Variants in TTC7A observed in about 807,000 individuals in gnomAD.
TTC7A encodes tetratricopeptide repeat domain 7A, also known as tetratricopeptide repeat protein 7A.
TTC7A carries 110 observed loss-of-function variants against 103.7 expected under a neutral mutation model. That is an observed-to-expected ratio of 1.06 (90% CI 0.91 to 1.24). The LOEUF (loss-of-function observed/expected upper bound fraction) is 1.24. Ranked by LOEUF, TTC7A falls within the 50% of genes most tolerant of loss-of-function variation. TTC7A has a pLI of 0.00. For missense variants in TTC7A, 1,340 were observed against 1,116.3 expected (o/e 1.20, Z -2.86); for synonymous variants, 521 against 467.9 (o/e 1.11, Z -1.47).
At chr2:47,033,453 GC>G (rs1269064428) in intron 15 of TTC7A, among the ~76,000 whole-genome samples, 4 of 152,220 alleles carry the variant, frequency 2.6e-5, no homozygotes, top group Non-Finnish European at 5.9e-5. Context: ...CTGGTGCTGG[GC>G]GTGGGCTTTG....
intron 2 of TTC7A, among the ~76,000 whole-genome samples, chr2:46,918,759 T>C (rs1668948153): frequency 1.3e-5 from 2 of 152,222 alleles, no homozygotes; most frequent in South Asian, 2.1e-4. Flanking sequence ...ACGAGCAATA[T>C]GGAACATTAG....
At chr2:47,022,091 A>T (rs1168673118) in intron 12 of TTC7A, 112 bp downstream of exon 12, 4 of 703,128 alleles carry the variant, frequency 5.7e-6, no homozygotes, top group Non-Finnish European at 9.7e-6. Context: ...GCCTCCATAG[A>T]CACCATGCAC....
intron 2 of TTC7A, among the ~76,000 whole-genome samples, chr2:46,952,094 C>T (rs1671468829): frequency 6.6e-6 from 1 of 152,032 alleles, no homozygotes; most frequent in African/African-American, 2.4e-5. Flanking sequence ...CCAGGATGTG[C>T]AGGGCTTATT....
chr2:46,969,818 T>G (rs183985860), intron 3 of TTC7A, among the ~76,000 whole-genome samples: 29 of 152,298 alleles, frequency 1.9e-4, no homozygotes, highest in Non-Finnish European at 3.7e-4. Flanking sequence ...TCCTAAACCC[T>G]AGGCCCTGGC....
chr2:46,952,891 T>C (rs1671535655), intron 2 of TTC7A, among the ~76,000 whole-genome samples: 2 of 152,244 alleles, frequency 1.3e-5, no homozygotes, highest in Admixed American at 6.5e-5. Context: ...CACACAGATA[T>C]TTCTTTTCAT....
chr2:47,053,026 G>C (rs1683000370), intron 18 of TTC7A, among the ~76,000 whole-genome samples: 1 of 152,182 alleles, frequency 6.6e-6, no homozygotes, highest in South Asian at 2.1e-4. Flanking sequence ...CGGCACATTA[G>C]TATGCAGTAC....
intron 1 of TTC7A, among the ~76,000 whole-genome samples, chr2:46,942,072 C>G (rs533722461): frequency 6.6e-6 from 1 of 152,314 alleles, no homozygotes; most frequent in East Asian, 1.9e-4. Context: ...TCCCTAAACT[C>G]CATCAGGTGA....
rs1346304491 is a variant in TTC7A, at chr2:46,941,680, A to T, written c.139A>T (p.Asn47Tyr). The change falls in exon 1 of 20, where the codon AAC becomes TAC. Residue 47 changes from asparagine to tyrosine, a missense_variant. Physicochemically the swap from Asn to Tyr is moderately radical, Grantham distance 143. Transcript: ENST00000319190. This position sits in a 1 kb window ranked among gnomAD's most constrained non-coding sequence, Gnocchi z 4.2. ...GCTGAGCATGCCCGGCGGCGGAGGT[A>T]ACAGGCGAGGCAGCCCGAGCGCAGC... ...QTLSMPGGGG[N>Y]RRGSPSAAFT... is the part of the protein sequence containing the mutation. 1.1e-5 allele frequency: 17 copies of T among 1,551,686 alleles called. No individual in the cohort carries two copies. The highest frequency in any genetic ancestry group is 1.7e-4 in the Middle Eastern group (1 of 5,908).
At chr2:46,978,270 C>G (rs1202203838) in intron 4 of TTC7A, 5 of 153,844 alleles carry the variant, frequency 3.3e-5, no homozygotes, top group Non-Finnish European at 7.2e-5. Flanking sequence ...AGAGGGGAAC[C>G]TGACTGCCTG....
chr2:46,943,905 C>T (rs763991860), intron 1 of TTC7A, among the ~76,000 whole-genome samples: 8 of 152,110 alleles, frequency 5.3e-5, no homozygotes, highest in Non-Finnish European at 1.0e-4. Context: ...TACCTCCTAC[C>T]CAGAGGTAGA....
chr2:47,021,866 A>G lies in TTC7A; in HGVS notation c.1397A>G (p.Glu466Gly), dbSNP rs1249228239. Reference sequence around the variant, plus strand: ...CTCTGTCTCTCCTCTTTGCAGCTAGAGGAAGCAGAGCACTTTGCCATGATG... The same window carrying G: ...CTCTGTCTCTCCTCTTTGCAGCTAGGGGAAGCAGAGCACTTTGCCATGATG... The part of the protein sequence containing the change: ...KVCIGSLRWL[E>G]EAEHFAMMVI... The change falls in exon 12 of 20, where the codon GAG becomes GGG. Residue 466 changes from glutamate to glycine, a missense_variant. By Grantham distance (98) the Glu-to-Gly change is moderately conservative (BLOSUM62 -2). Coordinates refer to ENST00000319190, the MANE Select transcript of TTC7A (RefSeq NM_020458.4). 1.2e-6 allele frequency: 2 copies of G among 1,614,020 alleles called. No homozygotes were observed. The highest frequency in any genetic ancestry group is 3.3e-5 in the Admixed American group (2 of 60,022).
rs144671396 is a variant in TTC7A, at chr2:46,978,861, C to G, written c.718C>G (p.Leu240Val). The change falls in exon 5 of 20, where the codon CTG (leucine) becomes GTG (valine). Residue 240 changes from leucine (L) to valine (V), a missense_variant. Transcript: ENST00000319190. ...HPLDYELTYFLEAALQSAYVK... is the reference protein window; with the variant it reads ...HPLDYELTYFVEAALQSAYVK... Reference sequence around the variant, plus strand: ...GCTTGACTATGAGCTCACCTACTTCCTGGAAGCTGCCCTCCAGAGCGCCTA... The same window carrying G: ...GCTTGACTATGAGCTCACCTACTTCGTGGAAGCTGCCCTCCAGAGCGCCTA... 13 of 1,614,124 alleles carry G rather than the reference C, an allele frequency of 8.1e-6. No homozygotes were observed. In the African/African-American group the frequency reaches 1.6e-4, roughly 20 times the overall value.
In TTC7A at chr2:46,994,386, G is replaced by T. The variant is rs113997845; in HGVS notation, c.873G>T (p.Leu291=). Residue 291 remains leucine (L), a synonymous_variant, in exon 7 of 20, where the codon CTG becomes CTT. Coordinates refer to ENST00000319190, the MANE Select transcript of TTC7A (RefSeq NM_020458.4). The stretch of plus-strand genomic sequence containing the variant: ...CGGCCAAGCACCTGGCGGGGGTCCT[G>T]CTGCACTCCCTGAGTGAGGAGTGCT... ...VMAAKHLAGV[L]LHSLSEECYW... is the part of the protein sequence containing the mutation. The T allele has an allele frequency of 1.9e-6, 3 of 1,613,664 alleles. No individual in the cohort carries two copies. Among genetic ancestry groups the T allele is most frequent in the Non-Finnish European group, 2.5e-6 (3 of 1,179,830 alleles).
intron 3 of TTC7A, among the ~76,000 whole-genome samples, chr2:46,965,250 G>A (rs1176716253): frequency 6.6e-6 from 1 of 152,214 alleles, no homozygotes; most frequent in African/African-American, 2.4e-5. Context: ...TAAAAAGAAA[G>A]AACACTACGC....
At chr2:47,072,871 G>C (rs1260383543) in intron 19 of TTC7A, among the ~76,000 whole-genome samples, 3 of 152,234 alleles carry the variant, frequency 2.0e-5, no homozygotes, top group Non-Finnish European at 2.9e-5. Context: ...AGTGTGGGTA[G>C]AAGAGGATGT....
chr2:46,963,881 A>G (rs996213388), intron 3 of TTC7A, among the ~76,000 whole-genome samples: 2 of 152,114 alleles, frequency 1.3e-5, no homozygotes, highest in Non-Finnish European at 2.9e-5. Flanking sequence ...CCCACCCTGG[A>G]GCCAATTGTG....
At chr2:46,923,071 G>A (rs767444072) in intron 2 of TTC7A, among the ~76,000 whole-genome samples, 1 of 152,190 alleles carries the variant, frequency 6.6e-6, no homozygotes, top group Non-Finnish European at 1.5e-5. Context: ...GAGCACAGGT[G>A]CTTCTGTCCC....
intron 5 of TTC7A, among the ~76,000 whole-genome samples, chr2:46,986,533 T>G (rs1358958861): frequency 1.3e-4 from 17 of 131,626 alleles, no homozygotes; most frequent in African/African-American, 1.4e-4. Flanking sequence ...GGCAGAGAGG[T>G]GGGGGTGCTG....
intron 8 of TTC7A, among the ~76,000 whole-genome samples, chr2:46,997,382 C>G (rs1676314503): frequency 6.6e-6 from 1 of 152,134 alleles, no homozygotes; most frequent in Admixed American, 6.5e-5. Flanking sequence ...GGTCCTTTCT[C>G]AGCTAGGGAG....
Sources: allele counts gnomAD v4.1 joint callset (sites outside exome capture counted in the v4.1 genomes callset), GRCh38; gene constraint gnomAD v4.1.1; non-coding constraint Gnocchi (gnomAD v3.1); transcripts MANE v1.5; gene names NCBI Gene and HGNC (gene_info 2026-07-23, HGNC 2026-07-21).